CWF19L2: variants seen among roughly 807,000 people sequenced by gnomAD.
CWF19L2 encodes CWF19-like protein 2.
Under a neutral mutation model 111.7 loss-of-function variants are expected in CWF19L2, and 98 were observed. The observed-to-expected ratio is 0.88, with a 90% CI of 0.75 to 1.04. The LOEUF (loss-of-function observed/expected upper bound fraction) is 1.04. Among genes scored for constraint, CWF19L2 ranks in the 50% least tolerant of loss-of-function variants. The probability of loss-of-function intolerance (pLI) is 0.00; values close to 1 mark genes in which losing one functional copy is unlikely to be tolerated. For missense variants in CWF19L2, 1,101 were observed against 1,051.4 expected, an observed-to-expected ratio of 1.05 and a Z score of -0.65; for synonymous variants, 351 against 342.9, an observed-to-expected ratio of 1.02 and a Z score of -0.26.
chr11:107,364,727 A>T (rs1192603184), intron 12 of CWF19L2, among the ~76,000 whole-genome samples: 1 of 105,766 alleles, frequency 9.5e-6, no homozygotes, highest in East Asian at 2.6e-4. Context: ...AGCAGGAAAG[A>T]TCCAAAATTG....
chr11:107,418,899 C>G (rs994000077), intron 8 of CWF19L2, among the ~76,000 whole-genome samples: 1 of 152,178 alleles, frequency 6.6e-6, no homozygotes, highest in African/African-American at 2.4e-5. Context: ...AGAAATAATT[C>G]AAGGCTACAG....
At chr11:107,356,384 T>A (rs1398813750) in intron 12 of CWF19L2, among the ~76,000 whole-genome samples, 5 of 152,180 alleles carry the variant, frequency 3.3e-5, no homozygotes, top group Admixed American at 3.3e-4. Context: ...TTTAACACCA[T>A]TACTGAAAGA....
chr11:107,329,473 C>T (rs1859811203), intron 17 of CWF19L2, among the ~76,000 whole-genome samples: 2 of 152,246 alleles, frequency 1.3e-5, no homozygotes, highest in South Asian at 2.1e-4. Context: ...CACTTATTAG[C>T]GCATTACCCT....
intron 14 of CWF19L2, among the ~76,000 whole-genome samples, chr11:107,345,104 C>CA (rs746879971): frequency 1.7e-4 from 25 of 151,492 alleles, no homozygotes; most frequent in South Asian, 1.0e-3. Flanking sequence ...GTTACTTGCA[C>CA]AAAAAAAACT....
At chr11:107,379,161 T>A (rs1271597347) in intron 12 of CWF19L2, among the ~76,000 whole-genome samples, 1 of 152,346 alleles carries the variant, frequency 6.6e-6, no homozygotes, top group Non-Finnish European at 1.5e-5. Context: ...ATAAGTATTA[T>A]GGTATGAAAA....
rs367636630 is a variant in CWF19L2, at chr11:107,373,751, C to T, written c.1872+16323G>A. Among the ~76,000 whole-genome samples the T allele has an allele frequency of 4.2e-4, 55 of 132,136 alleles. 7 individuals carry two copies. The highest frequency in any genetic ancestry group is 1.3e-3 in the African/African-American group (44 of 32,732). 86.7% of individuals were successfully genotyped at this position (132,136 alleles called of 152,430 possible). A position where few individuals can be genotyped will look rare whatever the true frequency, so the allele number is the denominator to read the frequency against. ...AAGGAACGCAGTTCCTCACCAGCAACGGAACAAAGCTGGATGGAGAATGAC... is the reference window on the plus strand; with the variant it reads ...AAGGAACGCAGTTCCTCACCAGCAATGGAACAAAGCTGGATGGAGAATGAC... On this transcript the variant is annotated intron_variant, in intron 12 of 17. Transcript: ENST00000282251.
intron 8 of CWF19L2, among the ~76,000 whole-genome samples, chr11:107,428,016 C>T (rs1449593846): frequency 1.3e-5 from 2 of 152,082 alleles, no homozygotes; most frequent in African/African-American, 4.8e-5. Context: ...TTCCTAAAAC[C>T]TCTTCCTTTA....
chr11:107,386,102 C>G (rs1343682744), intron 12 of CWF19L2, among the ~76,000 whole-genome samples: 1 of 152,048 alleles, frequency 6.6e-6, no homozygotes, highest in Non-Finnish European at 1.5e-5. Flanking sequence ...TTCAGACATC[C>G]ACCTAAACTC....
intron 12 of CWF19L2, among the ~76,000 whole-genome samples, chr11:107,364,110 CAAG>C (rs1159170049): frequency 8.1e-6 from 1 of 122,796 alleles, no homozygotes; most frequent in African/African-American, 3.4e-5. Flanking sequence ...ATCAATTCAA[CAAG>C]AAGAGCTAAC....
chr11:107,382,676 T>C (rs1189224816), intron 12 of CWF19L2, among the ~76,000 whole-genome samples: 1 of 152,224 alleles, frequency 6.6e-6, no homozygotes, highest in East Asian at 1.9e-4. Flanking sequence ...TGTTATGATA[T>C]GCGTTGGTTT....
At chr11:107,355,847 A>G (rs1933587750) in intron 12 of CWF19L2, among the ~76,000 whole-genome samples, 2 of 152,214 alleles carry the variant, frequency 1.3e-5, no homozygotes, top group African/African-American at 2.4e-5. Flanking sequence ...AGCAATAGCT[A>G]CGTCGAAGAC....
At chr11:107,419,024 G>A (rs947935315) in intron 8 of CWF19L2, among the ~76,000 whole-genome samples, 7 of 152,194 alleles carry the variant, frequency 4.6e-5, no homozygotes, top group Admixed American at 1.3e-4. Context: ...CCAAAGAAGC[G>A]AAAGCTGCAC....
intron 10 of CWF19L2, among the ~76,000 whole-genome samples, chr11:107,399,992 T>A (rs912755421): frequency 6.6e-6 from 1 of 152,048 alleles, no homozygotes; most frequent in Admixed American, 6.5e-5. Context: ...AAAATCAAGA[T>A]AGAAATTTAA....
At chr11:107,433,891 TA>T (rs1297280082) in intron 6 of CWF19L2, 142 bp from the exon 7 acceptor site, 58 of 51,508 alleles carry the variant, frequency 1.1e-3, no homozygotes, top group Non-Finnish European at 2.1e-3. Flanking sequence ...TATATATATA[TA>T]TATATATATA....
intron 15 of CWF19L2, 22 bp downstream of exon 15, chr11:107,336,536 T>C: frequency 6.4e-7 from 1 of 1,572,428 alleles, no homozygotes; most frequent in South Asian, 1.2e-5. Flanking sequence ...TAAGTGTATA[T>C]GCAAAGACTA....
intron 6 of CWF19L2, among the ~76,000 whole-genome samples, chr11:107,438,001 A>G (rs1861566579): frequency 6.6e-6 from 1 of 152,302 alleles, no homozygotes; most frequent in East Asian, 1.9e-4. Context: ...TTCTGCCTGA[A>G]GTTGAAAGAA....
chr11:107,434,684 A>G (rs1377175567), intron 6 of CWF19L2, among the ~76,000 whole-genome samples: 1 of 101,766 alleles, frequency 9.8e-6, no homozygotes, highest in African/African-American at 3.6e-5. Flanking sequence ...AAAAAAAAAA[A>G]AAAAAGAAAA....
intron 10 of CWF19L2, among the ~76,000 whole-genome samples, chr11:107,397,230 CCCTTTTCTCTCG>C (rs1860937054): frequency 1.3e-5 from 2 of 152,116 alleles, no homozygotes; most frequent in African/African-American, 4.8e-5. Context: ...AGAACTAAAG[CCCTTTTCTCTCG>C]CAGCTGGAAG....
At chr11:107,380,046 C>CAAAA (rs66699460) in intron 12 of CWF19L2, among the ~76,000 whole-genome samples, 1,277 of 34,460 alleles carry the variant, frequency 0.037, 370 homozygotes, top group East Asian at 0.12. Context: ...GACACCGTCT[C>CAAAA]AAAAAAAAAA....
Sources: allele counts gnomAD v4.1 joint callset (sites outside exome capture counted in the v4.1 genomes callset), GRCh38; gene constraint gnomAD v4.1.1; transcripts MANE v1.5; gene names NCBI Gene and HGNC (gene_info 2026-07-23, HGNC 2026-07-21).